POC1A: variants seen among roughly 807,000 people sequenced by gnomAD.
POC1A encodes the protein POC1 centriolar protein A.
POC1A carries 34 observed loss-of-function variants against 47.8 expected under a neutral mutation model. The ratio of observed to expected loss-of-function variants is 0.71; its 90% CI spans 0.54 to 0.95. The LOEUF is 0.95. POC1A is among the 40% of genes least tolerant of loss of function. The pLI is 0.00. For synonymous variants in POC1A, 177 were observed against 207.6 expected (o/e 0.85, Z 1.27); for missense variants, 466 against 528.3 (o/e 0.88, Z 1.16).
chr3:52,142,297 C>A (rs1698224456), intron 6 of POC1A, among the ~76,000 whole-genome samples: 1 of 152,224 alleles, frequency 6.6e-6, no homozygotes, highest in African/African-American at 2.4e-5. Flanking sequence ...TGGAGCTAAC[C>A]CACCACCACA....
intron 10 of POC1A, among the ~76,000 whole-genome samples, chr3:52,083,745 G>A (rs896535465): frequency 3.9e-5 from 6 of 152,182 alleles, no homozygotes; most frequent in Admixed American, 2.0e-4. Flanking sequence ...CCCCTGCCAC[G>A]GCTCACCTGC....
chr3:52,077,067 G>A (rs1372453203), intron 10 of POC1A, among the ~76,000 whole-genome samples: 1 of 152,278 alleles, frequency 6.6e-6, no homozygotes, highest in Non-Finnish European at 1.5e-5. Flanking sequence ...GTTGGACCAT[G>A]CTGGCCATGA....
At chr3:52,086,231 C>T (rs1396148500) in intron 10 of POC1A, among the ~76,000 whole-genome samples, 1 of 152,114 alleles carries the variant, frequency 6.6e-6, no homozygotes, top group African/African-American at 2.4e-5. Flanking sequence ...GGCGCAGTCA[C>T]CCGGCCACAC....
chr3:52,114,905 C>A (rs982119078), intron 9 of POC1A, among the ~76,000 whole-genome samples: 1 of 152,154 alleles, frequency 6.6e-6, no homozygotes, highest in Non-Finnish European at 1.5e-5. Flanking sequence ...TCATTCACAC[C>A]GATAAAAAGG....
intron 9 of POC1A, among the ~76,000 whole-genome samples, chr3:52,121,177 G>C (rs1703766718): frequency 6.6e-6 from 1 of 152,212 alleles, no homozygotes; most frequent in South Asian, 2.1e-4. Context: ...AAAAGGCCTT[G>C]GCTATGGCTC....
intron 7 of POC1A, among the ~76,000 whole-genome samples, chr3:52,131,162 G>C (rs1012667189): frequency 2.0e-5 from 3 of 152,016 alleles, no homozygotes; most frequent in African/African-American, 7.2e-5. Context: ...AATAGCTCTA[G>C]AGAACTTAAA....
At chr3:52,142,170 G>A (rs887957674) in intron 6 of POC1A, among the ~76,000 whole-genome samples, 14 of 152,240 alleles carry the variant, frequency 9.2e-5, no homozygotes, top group Non-Finnish European at 2.1e-4. Context: ...TGGCCACCCA[G>A]GCCTGTCACT....
At chr3:52,125,599 C>T (rs1257237113) in intron 7 of POC1A, among the ~76,000 whole-genome samples, 1 of 152,132 alleles carries the variant, frequency 6.6e-6, no homozygotes, top group African/African-American at 2.4e-5. Flanking sequence ...TAACACCCAA[C>T]ATCTCCCCAA....
At chr3:52,148,795 T>G (rs1183780664) in intron 4 of POC1A, among the ~76,000 whole-genome samples, 1 of 152,258 alleles carries the variant, frequency 6.6e-6, no homozygotes, top group Non-Finnish European at 1.5e-5. Context: ...AAGATACTAC[T>G]GTTCTGAGCC....
chr3:52,150,862 C>T (rs1331442554), intron 2 of POC1A, among the ~76,000 whole-genome samples, 154 bp downstream of exon 2: 1 of 152,146 alleles, frequency 6.6e-6, no homozygotes, highest in African/African-American at 2.4e-5. Flanking sequence ...AAGCCCAGTG[C>T]CCAAAGAGCT....
At chr3:52,100,006 C>T (rs1405485849) in intron 9 of POC1A, among the ~76,000 whole-genome samples, 1 of 152,210 alleles carries the variant, frequency 6.6e-6, no homozygotes, top group Non-Finnish European at 1.5e-5. Context: ...ATGGCTCTAA[C>T]TTTGGGAAAT....
chr3:52,078,776 G>A (rs1041030836), intron 10 of POC1A, among the ~76,000 whole-genome samples: 17 of 152,340 alleles, frequency 1.1e-4, no homozygotes, highest in Middle Eastern at 3.4e-3. Flanking sequence ...TGGGATTACA[G>A]GCGTGAGCCC....
At chr3:52,123,377 G>GT (rs1373418313) in intron 8 of POC1A, among the ~76,000 whole-genome samples, 1 of 151,712 alleles carries the variant, frequency 6.6e-6, no homozygotes, top group Non-Finnish European at 1.5e-5. Context: ...GCTGGCTTGG[G>GT]TGTCACAAGA....
Position 52,075,734 on chromosome 3 carries a change from G to C in POC1A, c.*153C>G, listed in dbSNP as rs1412775404. On this transcript the variant is annotated 3_prime_UTR_variant, in exon 11 of 11. Transcript: ENST00000296484. Reference sequence around the variant, plus strand: ...GGTGGAGAGCCTCCTGGTGCAGATAGCAAGGTGGAGGGCAGAACTGCAAAA... The same window carrying C: ...GGTGGAGAGCCTCCTGGTGCAGATACCAAGGTGGAGGGCAGAACTGCAAAA... 6.2e-6 allele frequency: 4 copies of C among 649,346 alleles called. No individual in the cohort carries two copies. The East Asian group carries it at 1.1e-4, about 18-fold the overall frequency. The allele number at this position is 649,346 out of a possible 1,614,324, so 40.2% of individuals were successfully genotyped here.
At chr3:52,148,627 C>A (rs538532069) in intron 4 of POC1A, among the ~76,000 whole-genome samples, 1 of 152,252 alleles carries the variant, frequency 6.6e-6, no homozygotes, top group Non-Finnish European at 1.5e-5. Flanking sequence ...AGCCTCCAGG[C>A]TAAGCCCCCC....
At position 52,079,810 on chromosome 3, in the gene POC1A, C is replaced by T. The variant is rs1438647246; in HGVS notation, c.1126-3825G>A. On this transcript the variant is annotated intron_variant, in intron 10 of 10. Coordinates refer to ENST00000296484, the MANE Select transcript of POC1A (RefSeq NM_015426.5). This position sits in a 1 kb window ranked among gnomAD's most constrained non-coding sequence, Gnocchi z 4.6. ...AAAGATGGCCCATCTCCCAGAACTC[C>T]CTCTTGCTGGGGTCCAACTCTTCCA... Among the ~76,000 whole-genome samples, 1 of 152,204 alleles carries T rather than the reference C, an allele frequency of 6.6e-6. No homozygotes were observed. Among genetic ancestry groups the T allele is most frequent in the Non-Finnish European group, 1.5e-5 (1 of 68,024 alleles).
Position 52,138,134 on chromosome 3 carries a change from T to A in POC1A, c.813+35A>T, listed in dbSNP as rs746249844. The A allele has an allele frequency of 3.7e-6, 6 of 1,612,656 alleles. No individual in the cohort carries two copies. The East Asian group carries it at 1.1e-4, about 30-fold the overall frequency. On this transcript the variant is annotated intron_variant, in intron 7 of 10. Transcript: ENST00000296484. ...GCCCAGACAGTGAAGGTACCACCAC[T>A]CCACACCACTCAGCACCTGGCCGAC...
In POC1A at chr3:52,145,952, G is replaced by T; in HGVS notation, c.573C>A (p.Thr191=). The change falls in exon 6 of 11, where the codon ACC becomes ACA. Residue 191 remains threonine (T), a synonymous_variant. Transcript: ENST00000296484. ...TCCCACTGGGGTGGAAGTCCACATA[G>T]GTGACAAAGCTGGAAAGACAGGGGC... ...HSYCEHGGFV[T]YVDFHPSGTC... 1 of 1,609,728 alleles carries T rather than the reference G, an allele frequency of 6.2e-7. No homozygotes were observed. Among genetic ancestry groups the T allele is most frequent in the Non-Finnish European group, 8.5e-7 (1 of 1,176,164 alleles).
chr3:52,124,861 C>T (rs184037698), intron 8 of POC1A, among the ~76,000 whole-genome samples: 4 of 152,294 alleles, frequency 2.6e-5, no homozygotes, highest in South Asian at 2.1e-4. Flanking sequence ...TTCCACTAAG[C>T]GCTAGCCTGA....
Sources: allele counts gnomAD v4.1 joint callset (sites outside exome capture counted in the v4.1 genomes callset), GRCh38; gene constraint gnomAD v4.1.1; non-coding constraint Gnocchi (gnomAD v3.1); transcripts MANE v1.5; gene names NCBI Gene and HGNC (gene_info 2026-07-23, HGNC 2026-07-21).